The following TMEM87A variants were observed in gnomAD, a reference collection of about 807,000 sequenced individuals.
TMEM87A encodes the protein Golgi-pH regulating cation channel.
Under a neutral mutation model 90.0 loss-of-function variants are expected in TMEM87A, and 50 were observed. The ratio of observed to expected loss-of-function variants is 0.56; its 90% CI spans 0.44 to 0.70. The LOEUF (loss-of-function observed/expected upper bound fraction) is 0.70, where lower values mean the gene tolerates loss of function less well. Among genes scored for constraint, TMEM87A ranks in the 30% least tolerant of loss-of-function variants. TMEM87A has a pLI of 0.00. For missense variants in TMEM87A, 577 were observed against 660.5 expected, an observed-to-expected ratio of 0.87 and a Z score of 1.39; for synonymous variants, 226 against 226.7, an observed-to-expected ratio of 1.00 and a Z score of 0.03.
intron 6 of TMEM87A, chr15:42,258,398 C>A (rs991172956): frequency 4.5e-5 from 30 of 668,996 alleles, no homozygotes; most frequent in African/African-American, 5.8e-5. Flanking sequence ...TGAATATATA[C>A]CTATTAGTAA....
Position 42,263,996 on chromosome 15 carries a change from A to G in TMEM87A, c.405+94T>C. On this transcript the variant is annotated intron_variant, in intron 4 of 19. Transcript: ENST00000389834. Reference sequence around the variant, plus strand: ...TGCTTCCACTTACTTCTGCCAAAAGAAATACTTGAGAAGTCGGAAGTGGAT... The same window carrying G: ...TGCTTCCACTTACTTCTGCCAAAAGGAATACTTGAGAAGTCGGAAGTGGAT... 3 of 895,142 alleles carry G rather than the reference A, an allele frequency of 3.4e-6. No homozygotes were observed. In the South Asian group the frequency reaches 4.7e-5, roughly 14 times the overall value. The allele number at this position is 895,142 out of a possible 1,614,324, so 55.4% of individuals were successfully genotyped here.
Position 42,236,317 on chromosome 15 carries a change from T to C in TMEM87A, c.968+3A>G. ...CTCTTCCATACAGGAAGTTAATACT[T>C]ACTTGACGATGCCATATCCCAGACT... On this transcript the variant is annotated splice_donor_region_variant and intron_variant, in intron 10 of 19. Coordinates refer to ENST00000389834, the MANE Select transcript of TMEM87A (RefSeq NM_015497.5). 3 of 1,613,444 alleles carry C rather than the reference T, an allele frequency of 1.9e-6. No individual in the cohort carries two copies. Among genetic ancestry groups the C allele is most frequent in the Non-Finnish European group, 2.5e-6 (3 of 1,179,426 alleles).
intron 19 of TMEM87A, among the ~76,000 whole-genome samples, chr15:42,215,813 TG>T (rs1347422609): frequency 6.6e-6 from 1 of 152,202 alleles, no homozygotes; most frequent in African/African-American, 2.4e-5. Flanking sequence ...GCAATCACTA[TG>T]GAAAACAGTA....
rs1271197643 is a variant in TMEM87A at position 42,218,380 on chromosome 15, TG to T, written c.1540-3del. ...TACCCACTTCAAATCATCTTCCTGC[TG>T]GGAACATACAAATACCACTCATTAC... On this transcript the variant is annotated splice_polypyrimidine_tract_variant and splice_region_variant and intron_variant, in intron 17 of 19. Transcript: ENST00000389834. The T allele has an allele frequency of 6.2e-7, 1 of 1,613,588 alleles. No homozygotes were observed. Among genetic ancestry groups the T allele is most frequent in the Non-Finnish European group, 8.5e-7 (1 of 1,179,768 alleles).
In TMEM87A at chr15:42,211,562, T is replaced by A; in HGVS notation, c.*146A>T. On this transcript the variant is annotated 3_prime_UTR_variant, in exon 20 of 20. Coordinates refer to ENST00000389834, the MANE Select transcript of TMEM87A (RefSeq NM_015497.5). ...AAGATGTTCTCTTTGTTCTGACACC[T>A]CTCGCCAACTCCAATGCCCAAAGAT... is the stretch of plus-strand genomic sequence containing the variant. 1 of 741,784 alleles carries A rather than the reference T, an allele frequency of 1.3e-6. No individual in the cohort carries two copies. The highest frequency in any genetic ancestry group is 2.0e-5 in the South Asian group (1 of 48,882). The allele number at this position is 741,784 out of a possible 1,614,324, so 46.0% of individuals were successfully genotyped here. A position where few individuals can be genotyped will look rare whatever the true frequency, so the allele number is the denominator to read the frequency against.
intron 7 of TMEM87A, among the ~76,000 whole-genome samples, chr15:42,240,842 T>C (rs1488311779): frequency 6.6e-6 from 1 of 152,196 alleles, no homozygotes; most frequent in Non-Finnish European, 1.5e-5. Context: ...ATTATAAAAA[T>C]TTCAGAGCAG....
At chr15:42,242,189 T>C (rs1189060613) in intron 7 of TMEM87A, among the ~76,000 whole-genome samples, 1 of 151,976 alleles carries the variant, frequency 6.6e-6, no homozygotes, top group Non-Finnish European at 1.5e-5. Context: ...GCCGACTCCA[T>C]GATCATGTTG....
chr15:42,236,422 A>C lies in TMEM87A; in HGVS notation c.869-3T>G. Reference sequence around the variant, plus strand: ...TGCAAGGATCAAAGCACCCTGGACTATGAAAAAGAAGGGAAGAAATGGCAC... The same window carrying C: ...TGCAAGGATCAAAGCACCCTGGACTCTGAAAAAGAAGGGAAGAAATGGCAC... On this transcript the variant is annotated splice_polypyrimidine_tract_variant and splice_region_variant and intron_variant, in intron 9 of 19. Transcript: ENST00000389834. The C allele has an allele frequency of 6.2e-7, 1 of 1,613,754 alleles. No homozygotes were observed. The highest frequency in any genetic ancestry group is 8.5e-7 in the Non-Finnish European group (1 of 1,179,682).
At chr15:42,232,637 C>A (rs1253027387) in intron 11 of TMEM87A, among the ~76,000 whole-genome samples, 1 of 151,678 alleles carries the variant, frequency 6.6e-6, no homozygotes, top group African/African-American at 2.4e-5. Flanking sequence ...CCACGCCCAG[C>A]TAATTTCTCG....
chr15:42,238,965 A>G (rs2050823981), intron 8 of TMEM87A, among the ~76,000 whole-genome samples: 1 of 152,104 alleles, frequency 6.6e-6, no homozygotes. Context: ...ATTCTGAGAC[A>G]CAGACGTATG....
Position 42,219,924 on chromosome 15 carries a change from A to C in TMEM87A, c.1477+138T>G, listed in dbSNP as rs2050444367. 12 of 798,480 alleles carry C rather than the reference A, an allele frequency of 1.5e-5. No homozygotes were observed. In the South Asian group the frequency reaches 2.2e-4, roughly 15 times the overall value. 49.5% of individuals were successfully genotyped at this position (798,480 alleles called of 1,614,324 possible). On this transcript the variant is annotated intron_variant, in intron 16 of 19. Coordinates refer to ENST00000389834, the MANE Select transcript of TMEM87A (RefSeq NM_015497.5). ...CTGAATTTACCATGCCTTCATCTTA[A>C]GATTCACACCCTTATTTTCTTAACC...
chr15:42,231,121 G>T, intron 12 of TMEM87A, 71 bp downstream of exon 12: 1 of 1,380,302 alleles, frequency 7.2e-7, no homozygotes, highest in Non-Finnish European at 9.8e-7. Context: ...ACTCTTTGCA[G>T]AAAGATCAAT....
At chr15:42,273,570 G>A, upstream of TMEM87A, 1 of 1,199,812 alleles carries the variant, frequency 8.3e-7, no homozygotes, top group East Asian at 2.6e-5. Flanking sequence ...TGCGCCGTGA[G>A]ACTTTGGACC....
At chr15:42,251,974 TG>T in intron 6 of TMEM87A, among the ~76,000 whole-genome samples, 1 of 152,346 alleles carries the variant, frequency 6.6e-6, no homozygotes, top group Non-Finnish European at 1.5e-5. Flanking sequence ...TTCCCCAGCC[TG>T]GCTGCCACCT....
In TMEM87A at chr15:42,228,733, T is replaced by C. The variant is rs773337058; in HGVS notation, c.1219A>G (p.Thr407Ala). Residue 407 changes from threonine (T) to alanine (A), a missense_variant, in exon 13 of 20, where the codon ACG becomes GCG. Transcript: ENST00000389834. ...KLSLYRHFTN[T>A]LILAVAASIV... is the part of the protein sequence containing the mutation. The stretch of plus-strand genomic sequence containing the variant: ...TTACCTGCCACTGCCAAAATAAGCG[T>C]GTTGGTGAAATGCCGATACAAAGAG... The C allele has an allele frequency of 6.2e-7, 1 of 1,612,790 alleles. No individual in the cohort carries two copies. The highest frequency in any genetic ancestry group is 8.5e-7 in the Non-Finnish European group (1 of 1,179,642).
rs144120282 is a variant in TMEM87A, at chr15:42,252,328, T to A, written c.505-8161A>T. Reference sequence around the variant, plus strand: ...ATGCAGAAATCACCCGTCTTCTGTGTCGATCACGCTGGGAGCTGTAGACGG... The same window carrying A: ...ATGCAGAAATCACCCGTCTTCTGTGACGATCACGCTGGGAGCTGTAGACGG... On this transcript the variant is annotated intron_variant, in intron 6 of 19. Coordinates refer to ENST00000389834, the MANE Select transcript of TMEM87A (RefSeq NM_015497.5). Among the ~76,000 whole-genome samples, 220 of 152,350 alleles carry A rather than the reference T, an allele frequency of 1.4e-3. 2 individuals carry two copies. Among genetic ancestry groups the A allele is most frequent in the African/African-American group, 5.2e-3 (216 of 41,594 alleles).
intron 2 of TMEM87A, among the ~76,000 whole-genome samples, chr15:42,269,513 G>C (rs920065367): frequency 6.6e-6 from 1 of 152,094 alleles, no homozygotes; most frequent in Non-Finnish European, 1.5e-5. Context: ...TCCATACAGG[G>C]ACAGGATTAA....
chr15:42,256,989 G>A (rs1312612097), intron 6 of TMEM87A, among the ~76,000 whole-genome samples: 2 of 152,132 alleles, frequency 1.3e-5, no homozygotes. Context: ...AGGTGCTGGG[G>A]TTACAGGTGT....
chr15:42,214,456 A>G (rs2050348033), intron 19 of TMEM87A, among the ~76,000 whole-genome samples: 1 of 152,214 alleles, frequency 6.6e-6, no homozygotes, highest in African/African-American at 2.4e-5. Context: ...ACAGAATTTA[A>G]CGGCACGTTG....
Sources: allele counts gnomAD v4.1 joint callset (sites outside exome capture counted in the v4.1 genomes callset), GRCh38; gene constraint gnomAD v4.1.1; transcripts MANE v1.5; gene names NCBI Gene and HGNC (gene_info 2026-07-23, HGNC 2026-07-21).